The following ATP10A variants were observed in gnomAD, a reference collection of about 807,000 sequenced individuals.
ATP10A encodes the protein phospholipid-transporting ATPase VA.
Under a neutral mutation model 147.8 loss-of-function variants are expected in ATP10A, and 111 were observed. The observed-to-expected ratio is 0.75, with a 90% CI of 0.64 to 0.88. The LOEUF (loss-of-function observed/expected upper bound fraction) is 0.88. ATP10A is among the 40% of genes least tolerant of loss of function. The pLI is 0.00. For missense variants in ATP10A, 1,927 were observed against 1,959.0 expected (o/e 0.98, Z 0.31); for synonymous variants, 875 against 841.6 (o/e 1.04, Z -0.69).
At chr15:25,721,994 A>G in intron 6 of ATP10A, 85 bp from the exon 7 acceptor site, 1 of 1,423,042 alleles carries the variant, frequency 7.0e-7, no homozygotes, top group Non-Finnish European at 9.6e-7. Context: ...ATAACAAATG[A>G]CTACAACCGC....
At chr15:25,750,530 C>A (rs1190055817) in intron 2 of ATP10A, among the ~76,000 whole-genome samples, 1 of 152,068 alleles carries the variant, frequency 6.6e-6, no homozygotes, top group Non-Finnish European at 1.5e-5. Context: ...CAGGAAAAGG[C>A]AACTGTTTGT....
At chr15:25,838,162 T>G (rs1016650437) in intron 1 of ATP10A, among the ~76,000 whole-genome samples, 7 of 152,320 alleles carry the variant, frequency 4.6e-5, no homozygotes, top group Non-Finnish European at 8.8e-5. Flanking sequence ...TGGCACTTGT[T>G]TGACCCAATT....
intron 14 of ATP10A, among the ~76,000 whole-genome samples, chr15:25,693,731 A>C (rs1900158713): frequency 6.6e-6 from 1 of 151,838 alleles, no homozygotes; most frequent in Non-Finnish European, 1.5e-5. Context: ...CCCTGTGCCC[A>C]CTCTCCTTAG....
chr15:25,797,961 G>C (rs1890760070), intron 1 of ATP10A, among the ~76,000 whole-genome samples: 1 of 152,212 alleles, frequency 6.6e-6, no homozygotes, highest in South Asian at 2.1e-4. Flanking sequence ...TGTCCAAGGA[G>C]AGAGTTAAAT....
chr15:25,755,041 T>A (rs1888344804), intron 2 of ATP10A, among the ~76,000 whole-genome samples: 1 of 152,184 alleles, frequency 6.6e-6, no homozygotes, highest in Non-Finnish European at 1.5e-5. Flanking sequence ...ATATTCATGA[T>A]CTACTCCAGA....
At chr15:25,732,420 C>A (rs991500461) in intron 3 of ATP10A, among the ~76,000 whole-genome samples, 4 of 151,940 alleles carry the variant, frequency 2.6e-5, no homozygotes, top group Admixed American at 2.0e-4. Context: ...ATTTTCATCA[C>A]CCTAAAAATA....
chr15:25,786,183 C>A lies in ATP10A; in HGVS notation c.450-4960G>T, dbSNP rs191222193. On this transcript the variant is annotated intron_variant, in intron 1 of 20. Transcript: ENST00000555815. ...GGCAGAGAGGTGCCACGCCAGCACA[C>A]GGCATCAGGGTGGGCCAGGGCTGAC... Among the ~76,000 whole-genome samples, 3 of 152,250 alleles carry A rather than the reference C, an allele frequency of 2.0e-5. No individual in the cohort carries two copies. The East Asian group carries it at 5.8e-4, about 30-fold the overall frequency.
intron 2 of ATP10A, among the ~76,000 whole-genome samples, chr15:25,755,873 A>G (rs1224760865): frequency 1.3e-5 from 2 of 152,256 alleles, no homozygotes; most frequent in Admixed American, 1.3e-4. Context: ...AACTCTTTGT[A>G]AAAGAAATTT....
At chr15:25,825,518 G>T (rs1892077371) in intron 1 of ATP10A, among the ~76,000 whole-genome samples, 1 of 152,118 alleles carries the variant, frequency 6.6e-6, no homozygotes, top group Admixed American at 6.5e-5. Flanking sequence ...TAACCACCTG[G>T]CTCAGAGTTG....
At chr15:25,853,783 G>A (rs1893391318) in intron 1 of ATP10A, among the ~76,000 whole-genome samples, 1 of 152,098 alleles carries the variant, frequency 6.6e-6, no homozygotes, top group African/African-American at 2.4e-5. Context: ...GAAAGGTACA[G>A]AAGAACTGCA....
At chr15:25,680,048 T>C (rs3736186) in intron 20 of ATP10A, 73 bp downstream of exon 20, 1,008,036 of 1,585,116 alleles carry the variant, frequency 0.64, 322,220 homozygotes, top group African/African-American at 0.78. Context: ...GAGACCCACA[T>C]AGAGCAGAAG....
At chr15:25,692,769 C>CA (rs1900107070) in intron 14 of ATP10A, among the ~76,000 whole-genome samples, 1 of 152,126 alleles carries the variant, frequency 6.6e-6, no homozygotes, top group South Asian at 2.1e-4. Context: ...AGGAGTAGGT[C>CA]ACATTGATGC....
At chr15:25,791,890 T>C (rs1277711704) in intron 1 of ATP10A, among the ~76,000 whole-genome samples, 3 of 152,220 alleles carry the variant, frequency 2.0e-5, no homozygotes, top group Non-Finnish European at 2.9e-5. Context: ...TAGGTAAATA[T>C]ATCTGACTTC....
intron 1 of ATP10A, among the ~76,000 whole-genome samples, chr15:25,855,445 A>C (rs1893470164): frequency 6.6e-6 from 1 of 152,152 alleles, no homozygotes; most frequent in Non-Finnish European, 1.5e-5. Flanking sequence ...TTCTTGATGC[A>C]AAAACACTCA....
At position 25,679,784 on chromosome 15, in the gene ATP10A, G is replaced by C; in HGVS notation, c.4057C>G (p.Pro1353Ala). 6.2e-7 allele frequency: 1 copy of C among 1,612,832 alleles called. No individual in the cohort carries two copies. The highest frequency in any genetic ancestry group is 1.7e-4 in the Middle Eastern group (1 of 6,056). ...ACCGGCTGCTGTGTGTGCCAAGAAG[G>C]CTGGGACAGGGGCACAGAGGTCTTG... ...TVKTSVPLSQ[P>A]SWHTQQPVCS... The change falls in exon 21 of 21, where the codon CCT (proline) becomes GCT (alanine). Residue 1353 changes from proline to alanine, a missense_variant. Transcript: ENST00000555815.
intron 15 of ATP10A, 183 bp from the exon 16 acceptor site, chr15:25,688,011 G>C (rs1899796058): frequency 1.4e-6 from 1 of 738,532 alleles, no homozygotes; most frequent in Non-Finnish European, 2.3e-6. Flanking sequence ...CGTTACAAAA[G>C]AGGCAATCTC....
At chr15:25,814,584 C>T (rs1891570076) in intron 1 of ATP10A, among the ~76,000 whole-genome samples, 1 of 152,228 alleles carries the variant, frequency 6.6e-6, no homozygotes, top group South Asian at 2.1e-4. Context: ...TCATCTTCCT[C>T]TGTTTCTTCA....
chr15:25,757,930 A>C (rs1301229745), intron 2 of ATP10A, among the ~76,000 whole-genome samples: 1 of 12,746 alleles, frequency 7.8e-5, no homozygotes, highest in African/African-American at 2.0e-4. Flanking sequence ...CATTCCGACC[A>C]CCTGCTCCAC....
Position 25,705,206 on chromosome 15 carries a change from T to C in ATP10A, c.2575+2770A>G, listed in dbSNP as rs191967933. ...CTGTAATCCCAGCACTTAGACAGAC[T>C]GAGGCAGGAGGATCACGTTAAACCA... On this transcript the variant is annotated intron_variant, in intron 12 of 20. Transcript: ENST00000555815. Among the ~76,000 whole-genome samples, 953 of 152,180 alleles carry C rather than the reference T, an allele frequency of 6.3e-3. 5 individuals are homozygous for C. The highest frequency in any genetic ancestry group is 0.017 in the South Asian group (81 of 4,818).
Sources: allele counts gnomAD v4.1 joint callset (sites outside exome capture counted in the v4.1 genomes callset), GRCh38; gene constraint gnomAD v4.1.1; transcripts MANE v1.5; gene names NCBI Gene and HGNC (gene_info 2026-07-23, HGNC 2026-07-21).